Variants in SDK1 observed in about 807,000 individuals in gnomAD.
SDK1 encodes protein sidekick-1.
Under a neutral mutation model 245.5 loss-of-function variants are expected in SDK1, and 157 were observed. The observed-to-expected ratio is 0.64, with a 90% CI of 0.56 to 0.73. SDK1 has a LOEUF of 0.73. Ranked by LOEUF, SDK1 falls within the 30% of genes least tolerant of loss-of-function variation. The pLI is 0.00. For synonymous variants in SDK1, 1,647 were observed against 1,278.5 expected (o/e 1.29, Z -6.15); for missense variants, 3,583 against 3,002.3 (o/e 1.19, Z -4.52).
intron 1 of SDK1, among the ~76,000 whole-genome samples, chr7:3,561,993 T>A (rs897789375): frequency 1.3e-5 from 2 of 152,222 alleles, no homozygotes; most frequent in Non-Finnish European, 2.9e-5. Flanking sequence ...GGAAAAAATA[T>A]AGAGGAAATA....
At chr7:4,186,871 C>T (rs1291299120) in intron 35 of SDK1, among the ~76,000 whole-genome samples, 1 of 152,158 alleles carries the variant, frequency 6.6e-6, no homozygotes, top group Non-Finnish European at 1.5e-5. Flanking sequence ...TAGCCTCCTC[C>T]TCCACGGGCC....
In SDK1 at chr7:3,880,755, G is replaced by A. The variant is rs549466987; in HGVS notation, c.847+59172G>A. ...CACTTCACTGAAAGACAAACCAGAC[G>A]GGCTGAGAGCAGTTCCCGGGCCTCC... On this transcript the variant is annotated intron_variant, in intron 5 of 44. Transcript: ENST00000404826. Among the ~76,000 whole-genome samples, 7 of 152,142 alleles carry A rather than the reference G, an allele frequency of 4.6e-5. No individual in the cohort carries two copies. The East Asian group carries it at 7.8e-4, about 17-fold the overall frequency.
intron 1 of SDK1, among the ~76,000 whole-genome samples, chr7:3,451,583 T>A (rs1354394978): frequency 1.3e-5 from 2 of 151,774 alleles, no homozygotes; most frequent in African/African-American, 4.8e-5. Context: ...TCATCTAATT[T>A]CCATTATCTT....
intron 26 of SDK1, among the ~76,000 whole-genome samples, chr7:4,129,219 C>G (rs1477311759): frequency 3.2e-5 from 4 of 123,502 alleles, no homozygotes; most frequent in East Asian, 4.4e-4. Context: ...GGGGTGGGGT[C>G]CCCTGGAATA....
Position 4,051,766 on chromosome 7 carries a change from G to C in SDK1, c.2847G>C (p.Leu949=). The C allele has an allele frequency of 6.2e-7, 1 of 1,613,932 alleles. No homozygotes were observed. The highest frequency in any genetic ancestry group is 8.5e-7 in the Non-Finnish European group (1 of 1,179,932). ...TTACCGCCTACTTCACTTCCGTTCT[G>C]TGCTTCACCACCCCTGGGGACGGGC... ...KKFTAYFTSV[L]CFTTPGDGPP... The change falls in exon 19 of 45, where the codon CTG becomes CTC. Residue 949 remains leucine (L), a synonymous_variant. Coordinates refer to ENST00000404826, the MANE Select transcript of SDK1 (RefSeq NM_152744.4).
In SDK1 at chr7:3,655,477, A is replaced by ATGTATG. The variant is rs1324904016; in HGVS notation, c.713+13373_713+13374insGTATGT. Among the ~76,000 whole-genome samples, 20 of 88,194 alleles carry ATGTATG rather than the reference A, an allele frequency of 2.3e-4. 1 individual carries two copies. The highest frequency in any genetic ancestry group is 9.4e-4 in the African/African-American group (19 of 20,114). The allele number at this position is 88,194 out of a possible 152,430, so 57.9% of individuals were successfully genotyped here. The stretch of plus-strand genomic sequence containing the variant: ...TATATATATATATATATATATATAT[A>ATGTATG]TATATATATATATATATATATATAT... On this transcript the variant is annotated intron_variant, in intron 4 of 44. Transcript: ENST00000404826.
intron 1 of SDK1, among the ~76,000 whole-genome samples, chr7:3,537,280 A>G (rs1271754218): frequency 6.6e-6 from 1 of 152,238 alleles, no homozygotes; most frequent in Non-Finnish European, 1.5e-5. Context: ...AGATCTTATG[A>G]CTGTCTTAAA....
At chr7:3,844,684 C>G (rs1194394763) in intron 5 of SDK1, among the ~76,000 whole-genome samples, 3 of 152,214 alleles carry the variant, frequency 2.0e-5, no homozygotes, top group Non-Finnish European at 4.4e-5. Context: ...AAAAGTGCCA[C>G]TTAATGTAAT....
chr7:3,937,866 C>G (rs573039087), intron 5 of SDK1, among the ~76,000 whole-genome samples: 1 of 152,144 alleles, frequency 6.6e-6, no homozygotes, highest in East Asian at 1.9e-4. Flanking sequence ...GAGACAGAGT[C>G]TCACTCTGTC....
intron 4 of SDK1, among the ~76,000 whole-genome samples, chr7:3,677,880 A>G (rs1247694724): frequency 6.6e-6 from 1 of 152,108 alleles, no homozygotes; most frequent in Non-Finnish European, 1.5e-5. Flanking sequence ...AGGGTACAAA[A>G]CTCCATAGAA....
At chr7:4,135,831 G>A (rs1450939149) in intron 28 of SDK1, among the ~76,000 whole-genome samples, 2 of 152,208 alleles carry the variant, frequency 1.3e-5, no homozygotes, top group African/African-American at 4.8e-5. Flanking sequence ...GGAGGCTGGA[G>A]GCTCCCTGGA....
intron 4 of SDK1, among the ~76,000 whole-genome samples, chr7:3,667,083 G>T (rs756805093): frequency 6.6e-5 from 10 of 152,052 alleles, no homozygotes; most frequent in Non-Finnish European, 1.2e-4. Flanking sequence ...AATGACAAAA[G>T]AAATAAAAAT....
chr7:4,029,953 T>C (rs995409659), intron 17 of SDK1, among the ~76,000 whole-genome samples: 1 of 152,162 alleles, frequency 6.6e-6, no homozygotes, highest in African/African-American at 2.4e-5. Flanking sequence ...GGCAGCAGGA[T>C]GGGGAGACGT....
chr7:4,249,771 T>C (rs982960307), intron 44 of SDK1, among the ~76,000 whole-genome samples: 5 of 152,228 alleles, frequency 3.3e-5, no homozygotes, highest in African/African-American at 1.2e-4. Flanking sequence ...TCCATATTCA[T>C]GGGATCCCAA....
intron 4 of SDK1, among the ~76,000 whole-genome samples, chr7:3,758,000 G>A (rs1161262183): frequency 6.6e-6 from 1 of 152,154 alleles, no homozygotes; most frequent in Non-Finnish European, 1.5e-5. Context: ...GTAGCTCTGT[G>A]CCAGGAACTG....
intron 14 of SDK1, among the ~76,000 whole-genome samples, chr7:4,003,278 G>A (rs1353535275): frequency 6.6e-6 from 1 of 152,214 alleles, no homozygotes; most frequent in East Asian, 1.9e-4. Flanking sequence ...ACCACTCATG[G>A]TAGGTCTTTC....
At chr7:3,308,552 TAGTC>T (rs199781712) in intron 1 of SDK1, among the ~76,000 whole-genome samples, 2,187 of 101,534 alleles carry the variant, frequency 0.022, 46 homozygotes, top group African/African-American at 0.076. Flanking sequence ...TGAAAACAGA[TAGTC>T]AGGTAAATCT....
intron 4 of SDK1, among the ~76,000 whole-genome samples, chr7:3,669,064 C>G (rs947544641): frequency 1.3e-5 from 2 of 151,998 alleles, no homozygotes; most frequent in Non-Finnish European, 2.9e-5. Context: ...TTGAGAGAAT[C>G]TAAAAAGGAC....
At chr7:3,745,098 T>C (rs184694656) in intron 4 of SDK1, among the ~76,000 whole-genome samples, 1 of 152,322 alleles carries the variant, frequency 6.6e-6, no homozygotes, top group African/African-American at 2.4e-5. Flanking sequence ...TTCCCTGCCA[T>C]TGCTGAATTT....
Sources: gnomAD v4.1 joint callset for allele counts (sites outside exome capture counted in the v4.1 genomes callset) on GRCh38, gnomAD v4.1.1 for gene constraint, MANE v1.5 for transcripts, NCBI Gene and HGNC (gene_info 2026-07-23, HGNC 2026-07-21) for gene names.